Variants in ADAM33 observed in about 807,000 individuals in gnomAD.
ADAM33 encodes the protein disintegrin and metalloproteinase domain-containing protein 33.
In ADAM33, 103 loss-of-function variants were observed where a neutral mutation model predicts 106.2. The ratio of observed to expected loss-of-function variants is 0.97; its 90% confidence interval spans 0.83 to 1.14. The LOEUF (loss-of-function observed/expected upper bound fraction) is 1.14. ADAM33 is among the 50% of genes most tolerant of loss of function. The pLI, the probability that ADAM33 is intolerant of heterozygous loss-of-function variation, is 0.00. For synonymous variants in ADAM33, 483 were observed against 453.0 expected (o/e 1.07, Z -0.84); for missense variants, 1,120 against 1,096.6 (o/e 1.02, Z -0.30).
chr20:3,669,715 C>T, intron 19 of ADAM33, 78 bp from the exon 20 acceptor site: 1 of 1,319,196 alleles, frequency 7.6e-7, no homozygotes. Flanking sequence ...GCATGGTGTC[C>T]AGCCCAGGGA....
At chr20:3,672,684 G>C in intron 12 of ADAM33, 37 bp downstream of exon 12, 11 of 1,603,244 alleles carry the variant, frequency 6.9e-6, no homozygotes, top group Non-Finnish European at 9.4e-6. Flanking sequence ...AGACCTGAGC[G>C]GAGAGGGCAA....
At chr20:3,672,490 C>T (rs1244290664) in intron 13 of ADAM33, 47 bp downstream of exon 13, 2 of 1,597,952 alleles carry the variant, frequency 1.3e-6, no homozygotes, top group Admixed American at 1.7e-5. Flanking sequence ...AACAGGCCGG[C>T]TCCCAAGCTC....
chr20:3,672,208 G>C lies in ADAM33; in HGVS notation c.1523C>G (p.Ala508Gly). 6.2e-7 allele frequency: 1 copy of C among 1,613,460 alleles called. No individual in the cohort carries two copies. The highest frequency in any genetic ancestry group is 1.1e-5 in the South Asian group (1 of 91,086). Residue 508 changes from alanine (A) to glycine (G), a missense_variant, in exon 14 of 22, where the codon GCC becomes GGC. By Grantham distance (60) the Ala-to-Gly change is moderately conservative. Transcript: ENST00000356518. The stretch of plus-strand genomic sequence containing the variant: ...ATCCCAGCAGTAGCCACTGCCCCTG[G>C]CACAGGGTGAGCCGTCCAGTAGGTA... ...DVYLLDGSPC[A>G]RGSGYCWDGA...
At chr20:3,672,997 C>T (rs1437525809) in intron 11 of ADAM33, 99 bp from the exon 12 acceptor site, 3 of 1,439,164 alleles carry the variant, frequency 2.1e-6, no homozygotes, top group African/African-American at 1.4e-5. Flanking sequence ...CCGCCAGACG[C>T]GCAGAGCCCA....
rs1477073355 is a variant in ADAM33, at chr20:3,668,324, T to C, written c.*639A>G. 3 of 153,006 alleles carry C rather than the reference T, an allele frequency of 2.0e-5. No individual in the cohort carries two copies. Among genetic ancestry groups the C allele is most frequent in the Admixed American group, 1.9e-4 (3 of 15,428 alleles). 9.5% of individuals were successfully genotyped at this position (153,006 alleles called of 1,614,324 possible). Reference sequence around the variant, plus strand: ...TTCTACTTTGGTATCTTTTCTTAAATGGTTCCCTCTGTCCCCCCGACACAC... The same window carrying C: ...TTCTACTTTGGTATCTTTTCTTAAACGGTTCCCTCTGTCCCCCCGACACAC... On this transcript the variant is annotated 3_prime_UTR_variant, in exon 22 of 22. Transcript: ENST00000356518.
intron 1 of ADAM33, among the ~76,000 whole-genome samples, chr20:3,680,389 C>T (rs1269280884): frequency 2.6e-5 from 4 of 152,162 alleles, no homozygotes; most frequent in African/African-American, 9.7e-5. Context: ...CCCCCCTCCA[C>T]GCAGCCCTGG....
chr20:3,672,487 C>T (rs2087606774), intron 13 of ADAM33, 50 bp downstream of exon 13: 1 of 1,597,032 alleles, frequency 6.3e-7, no homozygotes, highest in Non-Finnish European at 8.6e-7. Context: ...GCCAACAGGC[C>T]GGCTCCCAAG....
chr20:3,671,502 G>A lies in ADAM33; in HGVS notation c.1906-6C>T. The A allele has an allele frequency of 6.2e-7, 1 of 1,610,628 alleles. No homozygotes were observed. The highest frequency in any genetic ancestry group is 8.5e-7 in the Non-Finnish European group (1 of 1,177,956). On this transcript the variant is annotated splice_polypyrimidine_tract_variant and splice_region_variant and intron_variant, in intron 16 of 21. Coordinates refer to ENST00000356518, the MANE Select transcript of ADAM33 (RefSeq NM_025220.5). ...CAGCGCCTGCTCTGGCACACCTACG[G>A]GCAGTGCACCAGGCAGTGAGGGGGA...
chr20:3,669,339 G>T lies in ADAM33; in HGVS notation c.2364C>A (p.His788Gln). 3 of 1,601,798 alleles carry T rather than the reference G, an allele frequency of 1.9e-6. No individual in the cohort carries two copies. The South Asian group carries it at 3.4e-5, about 18-fold the overall frequency. The change falls in exon 21 of 22, where the codon CAC (histidine) becomes CAA (glutamine). Residue 788 changes from histidine (H) to glutamine (Q), a missense_variant. His to Gln is a conservative substitution (Grantham distance 24). Transcript: ENST00000356518. ...DPENSHEPSS[H>Q]PEKPLPAVSP... ...AGACTGCTGGCAGAGGCTTCTCAGG[G>T]TGGCTGCTGGGCTCATGAGAGTTCT...
At chr20:3,670,815 A>T (rs1311320519) in intron 19 of ADAM33, among the ~76,000 whole-genome samples, 191 bp downstream of exon 19, 4 of 152,074 alleles carry the variant, frequency 2.6e-5, no homozygotes, top group Non-Finnish European at 5.9e-5. Context: ...TGGGGCAGGG[A>T]TCCACCCCCT....
In ADAM33 at chr20:3,671,364, G is replaced by A. The variant is rs367992155; in HGVS notation, c.1984-19C>T. ...TGCAAACCTGCAGAGAAGAGAAGAG[G>A]AGGGTCACGTAGGATTAGGAACCCC... On this transcript the variant is annotated intron_variant, in intron 17 of 21. Transcript: ENST00000356518. The A allele has an allele frequency of 3.7e-6, 6 of 1,612,332 alleles. No individual in the cohort carries two copies. The African/African-American group carries it at 8.0e-5, about 22-fold the overall frequency.
At chr20:3,679,950 C>T (rs4987245) in intron 1 of ADAM33, among the ~76,000 whole-genome samples, 22,716 of 152,100 alleles carry the variant, frequency 0.15, 2,272 homozygotes, top group African/African-American at 0.29. Flanking sequence ...CAGCAGATGC[C>T]TTTAGGGTGA....
intron 19 of ADAM33, 118 bp downstream of exon 19, chr20:3,670,888 G>A (rs2087488493): frequency 3.6e-6 from 5 of 1,371,204 alleles, no homozygotes; most frequent in Non-Finnish European, 3.8e-6. Context: ...GGCCTCTGGG[G>A]CTGCTCTCTG....
At chr20:3,670,116 G>C (rs554019852) in intron 19 of ADAM33, 32 of 206,396 alleles carry the variant, frequency 1.6e-4, no homozygotes, top group African/African-American at 7.2e-4. Flanking sequence ...CTCCCGCCTG[G>C]GGATGAGAAG....
Position 3,668,520 on chromosome 20 carries a change from G to A in ADAM33, c.*443C>T, listed in dbSNP as rs952538039. 3 of 206,030 alleles carry A rather than the reference G, an allele frequency of 1.5e-5. No homozygotes were observed. The highest frequency in any genetic ancestry group is 5.2e-5 in the Admixed American group (1 of 19,116). 12.8% of individuals were successfully genotyped at this position (206,030 alleles called of 1,614,324 possible). A position where few individuals can be genotyped will look rare whatever the true frequency, so the allele number is the denominator to read the frequency against. Reference sequence around the variant, plus strand: ...TGCAGAGGCCAGCCAGGCTCCAGGGGAGTGTGGACTCAGTCGAACCATAGG... The same window carrying A: ...TGCAGAGGCCAGCCAGGCTCCAGGGAAGTGTGGACTCAGTCGAACCATAGG... On this transcript the variant is annotated 3_prime_UTR_variant, in exon 22 of 22. Coordinates refer to ENST00000356518, the MANE Select transcript of ADAM33 (RefSeq NM_025220.5).
chr20:3,673,324 C>T (rs1244109948), intron 11 of ADAM33, 30 bp downstream of exon 11: 1 of 1,536,288 alleles, frequency 6.5e-7, no homozygotes, highest in Non-Finnish European at 8.7e-7. Flanking sequence ...CTAGCCGCCC[C>T]GCCGCAGCCC....
At chr20:3,677,216 T>C in intron 2 of ADAM33, 73 bp from the exon 3 acceptor site, 1 of 1,328,060 alleles carries the variant, frequency 7.5e-7, no homozygotes, top group Non-Finnish European at 1.0e-6. Flanking sequence ...AGGTGGCCTG[T>C]GGAGCCGGCT....
intron 1 of ADAM33, among the ~76,000 whole-genome samples, chr20:3,679,926 G>T (rs2088329465): frequency 6.6e-6 from 1 of 152,202 alleles, no homozygotes; most frequent in Non-Finnish European, 1.5e-5. Context: ...CAGCCTTAGG[G>T]ATTTTTAGAT....
At position 3,674,199 on chromosome 20, in the gene ADAM33, C is replaced by G. The variant is rs1257592843; in HGVS notation, c.666+20G>C. 6.2e-7 allele frequency: 1 copy of G among 1,613,964 alleles called. No individual in the cohort carries two copies. Among genetic ancestry groups the G allele is most frequent in the Non-Finnish European group, 8.5e-7 (1 of 1,179,972 alleles). ...CTGGCCCCATCCCTGACCCCGCCAA[C>G]CCCTGGGGTCTCTCCTCACCAGGGT... On this transcript the variant is annotated intron_variant, in intron 7 of 21. Coordinates refer to ENST00000356518, the MANE Select transcript of ADAM33 (RefSeq NM_025220.5).
Sources: gnomAD v4.1 joint callset for allele counts (sites outside exome capture counted in the v4.1 genomes callset) on GRCh38, gnomAD v4.1.1 for gene constraint, MANE v1.5 for transcripts, NCBI Gene and HGNC (gene_info 2026-07-23, HGNC 2026-07-21) for gene names.